The following TRHDE variants were observed in gnomAD, a reference collection of about 807,000 sequenced individuals.
TRHDE encodes the protein thyrotropin-releasing hormone-degrading ectoenzyme.
In TRHDE, 72 loss-of-function variants were observed where a neutral mutation model predicts 125.7. The ratio of observed to expected loss-of-function variants is 0.57; its 90% CI spans 0.47 to 0.70. TRHDE has a LOEUF of 0.70. Ranked by LOEUF, TRHDE falls within the 30% of genes least tolerant of loss-of-function variation. The pLI, the probability that TRHDE is intolerant of heterozygous loss-of-function variation, is 0.00. For synonymous variants in TRHDE, 509 were observed against 509.1 expected, an observed-to-expected ratio of 1.00 and a Z score of 0.00; for missense variants, 1,110 against 1,327.1, an observed-to-expected ratio of 0.84 and a Z score of 2.54.
intron 2 of TRHDE, among the ~76,000 whole-genome samples, chr12:72,149,586 T>C (rs1034131190): frequency 1.1e-4 from 17 of 151,896 alleles, no homozygotes. Context: ...GAACACTCAT[T>C]CTTTTTTTTT....
At chr12:72,577,492 T>G (rs1228032843) in intron 12 of TRHDE, among the ~76,000 whole-genome samples, 1 of 152,086 alleles carries the variant, frequency 6.6e-6, no homozygotes. Context: ...TTAGAAGTAA[T>G]AGTATTTATT....
chr12:72,366,041 C>T (rs939211623), intron 2 of TRHDE, among the ~76,000 whole-genome samples: 4 of 152,094 alleles, frequency 2.6e-5, no homozygotes, highest in Non-Finnish European at 4.4e-5. Context: ...ATCGTATTGC[C>T]TTCTCCTCTT....
At chr12:72,261,027 C>T (rs993546330) in intron 2 of TRHDE, among the ~76,000 whole-genome samples, 1 of 152,186 alleles carries the variant, frequency 6.6e-6, no homozygotes, top group Non-Finnish European at 1.5e-5. Context: ...TTTCTAGATA[C>T]TACTTTTAAC....
intron 3 of TRHDE, among the ~76,000 whole-genome samples, chr12:72,387,532 T>C (rs941343261): frequency 6.6e-6 from 1 of 152,188 alleles, no homozygotes; most frequent in African/African-American, 2.4e-5. Flanking sequence ...AGAGTTTTTG[T>C]GAGGGATGTT....
chr12:72,300,675 A>T (rs558632558), intron 2 of TRHDE, among the ~76,000 whole-genome samples: 1 of 151,986 alleles, frequency 6.6e-6, no homozygotes, highest in Non-Finnish European at 1.5e-5. Flanking sequence ...ACACACACAC[A>T]TATATATACA....
At chr12:72,355,661 CAA>C (rs1592565127) in intron 2 of TRHDE, among the ~76,000 whole-genome samples, 1 of 151,744 alleles carries the variant, frequency 6.6e-6, no homozygotes, top group Admixed American at 6.6e-5. Context: ...ATTCATCTGA[CAA>C]AATTCTAATA....
chr12:72,641,625 T>C (rs1874065500), intron 15 of TRHDE, among the ~76,000 whole-genome samples: 1 of 152,212 alleles, frequency 6.6e-6, no homozygotes, highest in Non-Finnish European at 1.5e-5. Flanking sequence ...TCAGTTGCTA[T>C]TTGTATGTTA....
intron 3 of TRHDE, among the ~76,000 whole-genome samples, chr12:72,418,600 A>G (rs1873825426): frequency 6.6e-6 from 1 of 151,820 alleles, no homozygotes; most frequent in Non-Finnish European, 1.5e-5. Context: ...AAAACTTTCC[A>G]TAGAGACTGG....
chr12:72,470,343 C>G (rs1230463226), intron 4 of TRHDE, among the ~76,000 whole-genome samples: 1 of 152,194 alleles, frequency 6.6e-6, no homozygotes, highest in Non-Finnish European at 1.5e-5. Context: ...TGTTATTCCC[C>G]TTTTCCCACC....
At chr12:72,349,666 A>G (rs954441385) in intron 2 of TRHDE, among the ~76,000 whole-genome samples, 1 of 151,982 alleles carries the variant, frequency 6.6e-6, no homozygotes. Context: ...GTTGAGGATG[A>G]TGATTTGTGA....
intron 3 of TRHDE, among the ~76,000 whole-genome samples, chr12:72,446,579 T>A (rs1172432922): frequency 1.3e-5 from 2 of 151,668 alleles, no homozygotes; most frequent in East Asian, 3.9e-4. Context: ...GGATGAAGAG[T>A]CAAGACCCAT....
chr12:72,407,227 G>A lies in TRHDE; in HGVS notation c.1315+29106G>A, dbSNP rs146354650. Among the ~76,000 whole-genome samples, 55 of 152,276 alleles carry A rather than the reference G, an allele frequency of 3.6e-4. 1 individual carries two copies. In the East Asian group the frequency reaches 9.3e-3, roughly 26 times the overall value. On this transcript the variant is annotated intron_variant, in intron 3 of 18. Coordinates refer to ENST00000261180, the MANE Select transcript of TRHDE (RefSeq NM_013381.3). ...AACTTTAAATGAGTCTCCTGCAGTT[G>A]GAAGCTGTAGAGGACTCATGTCTGA...
At chr12:72,641,323 C>CAAATGTAATTATACA (rs1294749512) in intron 15 of TRHDE, among the ~76,000 whole-genome samples, 2 of 151,976 alleles carry the variant, frequency 1.3e-5, no homozygotes, top group Non-Finnish European at 2.9e-5. Context: ...TTTATTTTTA[C>CAAATGTAATTATACA]AAATGTAATT....
chr12:72,243,396 C>A (rs1878518982), intron 2 of TRHDE, among the ~76,000 whole-genome samples: 1 of 152,090 alleles, frequency 6.6e-6, no homozygotes, highest in South Asian at 2.1e-4. Flanking sequence ...GCATGCAGTT[C>A]TTGAATACTT....
At chr12:72,420,447 A>T (rs1369374333) in intron 3 of TRHDE, among the ~76,000 whole-genome samples, 1 of 152,106 alleles carries the variant, frequency 6.6e-6, no homozygotes, top group Non-Finnish European at 1.5e-5. Flanking sequence ...AGGACTTAGG[A>T]CCTTTCTGAT....
rs1434923285 is a variant in TRHDE at position 72,163,838 on chromosome 12, G to A, written n.279+58086G>A. ...TCAAGGGTACTCAAATCGGCAGAGCGCGGTGGCTCATCCCTGTAATCCCAG... is the reference window on the plus strand; with the variant it reads ...TCAAGGGTACTCAAATCGGCAGAGCACGGTGGCTCATCCCTGTAATCCCAG... On this transcript the variant is annotated intron_variant and non_coding_transcript_variant, in intron 2 of 4. Coordinates refer to the TRHDE transcript ENST00000548156. Among the ~76,000 whole-genome samples the A allele has an allele frequency of 3.3e-5, 5 of 152,326 alleles. No homozygotes were observed. The East Asian group carries it at 5.8e-4, about 18-fold the overall frequency.
intron 3 of TRHDE, among the ~76,000 whole-genome samples, chr12:72,451,627 C>T (rs916134507): frequency 6.6e-5 from 10 of 151,678 alleles, no homozygotes; most frequent in African/African-American, 2.4e-4. Context: ...TATTTGGGCT[C>T]TTCTGTGGTT....
chr12:72,454,628 C>A (rs2135875544), intron 3 of TRHDE, among the ~76,000 whole-genome samples: 1 of 152,262 alleles, frequency 6.6e-6, no homozygotes, highest in Middle Eastern at 3.4e-3. Context: ...TAGTCTTAAG[C>A]AAACTCAGGG....
At chr12:72,558,305 T>A (rs914242628) in intron 7 of TRHDE, among the ~76,000 whole-genome samples, 1 of 152,090 alleles carries the variant, frequency 6.6e-6, no homozygotes, top group Non-Finnish European at 1.5e-5. Flanking sequence ...AGGAAATGCA[T>A]CAAAATTGAG....
Sources: gnomAD v4.1 joint callset for allele counts (sites outside exome capture counted in the v4.1 genomes callset) on GRCh38, gnomAD v4.1.1 for gene constraint, MANE v1.5 for transcripts, NCBI Gene and HGNC (gene_info 2026-07-23, HGNC 2026-07-21) for gene names.